Variants in RMST observed in about 807,000 individuals in gnomAD.
RMST encodes rhabdomyosarcoma 2 associated transcript.
intron 10 of RMST, among the ~76,000 whole-genome samples, chr12:97,517,662 C>T (rs1311342420): frequency 6.6e-6 from 1 of 152,010 alleles, no homozygotes. Flanking sequence ...GTTTTCCATA[C>T]TACACATGCA....
intron 10 of RMST, among the ~76,000 whole-genome samples, chr12:97,524,449 T>C (rs1369212291): frequency 1.3e-5 from 2 of 152,184 alleles, no homozygotes; most frequent in Admixed American, 6.5e-5. Flanking sequence ...CCAGCAACTG[T>C]TCATACCCTA....
In RMST at chr12:97,508,025, C is replaced by T. The variant is rs551975597; in HGVS notation, n.1340+11969C>T. ...AGTGGTATCAAATTTCACAAAGTGG[C>T]CAAGTAGCATAAAGACAGGGTGGAG... On this transcript the variant is annotated intron_variant and non_coding_transcript_variant, in intron 10 of 13. Transcript: ENST00000640149. 3.9e-5 allele frequency among the ~76,000 whole-genome samples: 6 copies of T among 152,164 alleles called. No individual in the cohort carries two copies. The South Asian group carries it at 1.2e-3, about 32-fold the overall frequency.
chr12:97,466,819 AG>A (rs1333520501), intron 5 of RMST, among the ~76,000 whole-genome samples: 1 of 152,112 alleles, frequency 6.6e-6, no homozygotes, highest in African/African-American at 2.4e-5. Context: ...CTTATGTAAA[AG>A]TTATTTCAGA....
At chr12:97,482,723 T>C (rs1156863948) in intron 5 of RMST, among the ~76,000 whole-genome samples, 1 of 66,344 alleles carries the variant, frequency 1.5e-5, no homozygotes, top group Non-Finnish European at 3.4e-5. Context: ...ATTATTTATT[T>C]ATTAAATAAA....
intron 4 of RMST, among the ~76,000 whole-genome samples, chr12:97,463,542 A>G (rs1174090711): frequency 6.6e-6 from 1 of 152,174 alleles, no homozygotes; most frequent in Non-Finnish European, 1.5e-5. Context: ...TTAAATTTAT[A>G]TCTGGAAAAA....
intron 11 of RMST, among the ~76,000 whole-genome samples, chr12:97,538,659 A>G (rs1882275148): frequency 6.6e-6 from 1 of 151,426 alleles, no homozygotes; most frequent in African/African-American, 2.4e-5. Context: ...CCACGAGCTA[A>G]ATGGGGGTGA....
intron 5 of RMST, among the ~76,000 whole-genome samples, chr12:97,482,777 T>A (rs182523654): frequency 0.069 from 9,521 of 138,924 alleles, 715 homozygotes; most frequent in African/African-American, 0.15. Flanking sequence ...TATTTATTTA[T>A]TAAATAAATT....
At chr12:97,550,089 C>G (rs534665942) in intron 11 of RMST, among the ~76,000 whole-genome samples, 1 of 152,130 alleles carries the variant, frequency 6.6e-6, no homozygotes, top group East Asian at 1.9e-4. Context: ...TGGTGAAGCA[C>G]CCTTTCTCAG....
chr12:97,546,698 A>G (rs991026146), intron 11 of RMST, among the ~76,000 whole-genome samples: 2 of 152,108 alleles, frequency 1.3e-5, no homozygotes, highest in Non-Finnish European at 2.9e-5. Context: ...AAGATTGTAT[A>G]TATTTATCAT....
intron 9 of RMST, among the ~76,000 whole-genome samples, chr12:97,495,182 G>GT (rs1877265768): frequency 6.6e-6 from 1 of 150,496 alleles, no homozygotes; most frequent in East Asian, 1.9e-4. Flanking sequence ...CTTATGGGGG[G>GT]GGAGCCGCTG....
At chr12:97,549,156 G>A (rs1370915032) in intron 11 of RMST, among the ~76,000 whole-genome samples, 3 of 152,068 alleles carry the variant, frequency 2.0e-5, no homozygotes, top group Non-Finnish European at 2.9e-5. Flanking sequence ...TTCAAACGAG[G>A]TTCCATAAGA....
intron 10 of RMST, among the ~76,000 whole-genome samples, chr12:97,507,289 A>ATTT (rs1565926508): frequency 0.025 from 3,541 of 144,426 alleles, 132 homozygotes; most frequent in African/African-American, 0.092. Flanking sequence ...TTTTTTTTTA[A>ATTT]AAAAAAAAAG....
At chr12:97,507,740 G>A (rs1437848285) in intron 10 of RMST, among the ~76,000 whole-genome samples, 2 of 152,176 alleles carry the variant, frequency 1.3e-5, no homozygotes, top group Non-Finnish European at 2.9e-5. Context: ...TATTTTGTAT[G>A]TCTTGAGACA....
chr12:97,564,253 A>C (rs1210953738), exon 14 of RMST: 1 of 176,108 alleles, frequency 5.7e-6, no homozygotes, highest in South Asian at 1.3e-4. Flanking sequence ...TTCTGAAACA[A>C]AGAAGAAATA....
chr12:97,551,483 A>T (rs1296489398), intron 11 of RMST, among the ~76,000 whole-genome samples: 1 of 152,172 alleles, frequency 6.6e-6, no homozygotes, highest in Non-Finnish European at 1.5e-5. Flanking sequence ...TCAAAACAGA[A>T]CAAAGAAGAG....
At chr12:97,548,543 T>G (rs1329507083) in intron 11 of RMST, among the ~76,000 whole-genome samples, 1 of 152,112 alleles carries the variant, frequency 6.6e-6, no homozygotes, top group Non-Finnish European at 1.5e-5. Flanking sequence ...CATCAATGTC[T>G]TATAGTTTTC....
At chr12:97,511,150 C>CTTTTTTTT (rs200176181) in intron 10 of RMST, among the ~76,000 whole-genome samples, 1 of 139,894 alleles carries the variant, frequency 7.1e-6, no homozygotes. Flanking sequence ...GTACTTCCTT[C>CTTTTTTTT]TTTTTTTTTT....
chr12:97,523,142 G>A (rs1880689079), intron 10 of RMST, among the ~76,000 whole-genome samples: 1 of 152,170 alleles, frequency 6.6e-6, no homozygotes. Context: ...GAAGCATACA[G>A]TTCACAGAAA....
intron 5 of RMST, among the ~76,000 whole-genome samples, chr12:97,484,058 C>T (rs144776020): frequency 7.9e-4 from 121 of 152,202 alleles, no homozygotes; most frequent in Non-Finnish European, 1.5e-3. Flanking sequence ...GGAAACAGCT[C>T]TTCTTCTTGT....
Sources: gnomAD v4.1 joint callset for allele counts (sites outside exome capture counted in the v4.1 genomes callset) on GRCh38, gnomAD v4.1.1 for gene constraint, MANE v1.5 for transcripts, NCBI Gene and HGNC (gene_info 2026-07-23, HGNC 2026-07-21) for gene names.